The following KAT14 variants were observed in gnomAD, a reference collection of about 807,000 sequenced individuals.
KAT14 encodes lysine acetyltransferase 14, also known as cysteine-rich protein 2-binding protein.
In KAT14, 66 loss-of-function variants were observed where a neutral mutation model predicts 78.4. The ratio of observed to expected loss-of-function variants is 0.84; its 90% confidence interval spans 0.69 to 1.03. The LOEUF (loss-of-function observed/expected upper bound fraction) is 1.03. Among genes scored for constraint, KAT14 ranks in the 50% least tolerant of loss-of-function variants. The pLI is 0.00. For missense variants in KAT14, 870 were observed against 972.5 expected (o/e 0.89, Z 1.40); for synonymous variants, 344 against 359.4 (o/e 0.96, Z 0.48).
At chr20:18,184,149 A>G (rs567481073) in intron 9 of KAT14, among the ~76,000 whole-genome samples, 4 of 152,370 alleles carry the variant, frequency 2.6e-5, no homozygotes, top group South Asian at 2.1e-4. Flanking sequence ...TAGCATTTGT[A>G]CAAAAGAACT....
intron 2 of KAT14, 175 bp from the exon 3 acceptor site, chr20:18,145,058 T>A: frequency 7.2e-7 from 1 of 1,390,734 alleles, no homozygotes; most frequent in South Asian, 1.7e-5. Flanking sequence ...ATACTTGGTG[T>A]TAGAAGAATA....
At chr20:18,186,763 G>T (rs2039464490) in intron 10 of KAT14, among the ~76,000 whole-genome samples, 1 of 152,148 alleles carries the variant, frequency 6.6e-6, no homozygotes, top group Non-Finnish European at 1.5e-5. Flanking sequence ...ACAGAAGGTG[G>T]ACTTTGGGAT....
At chr20:18,147,120 G>A (rs915491448) in intron 3 of KAT14, among the ~76,000 whole-genome samples, 3 of 152,206 alleles carry the variant, frequency 2.0e-5, no homozygotes, top group African/African-American at 7.2e-5. Context: ...CACTTATGGT[G>A]TTCCTTGTAA....
At chr20:18,178,662 C>G (rs774103444) in intron 7 of KAT14, among the ~76,000 whole-genome samples, 7 of 152,118 alleles carry the variant, frequency 4.6e-5, no homozygotes, top group Non-Finnish European at 7.4e-5. Context: ...AATTATCTCC[C>G]ACTGGGTCTC....
intron 4 of KAT14, 94 bp downstream of exon 4, chr20:18,151,036 T>C (rs1223509371): frequency 6.7e-7 from 1 of 1,487,678 alleles, no homozygotes; most frequent in African/African-American, 1.4e-5. Flanking sequence ...TTGTTAGAGA[T>C]TTATTTTAAT....
At chr20:18,156,069 C>T (rs1395890959) in intron 4 of KAT14, among the ~76,000 whole-genome samples, 1 of 152,182 alleles carries the variant, frequency 6.6e-6, no homozygotes, top group Non-Finnish European at 1.5e-5. Flanking sequence ...AAAGGAAGGA[C>T]ATTCTGGCAC....
chr20:18,163,976 G>C (rs1259969121), intron 7 of KAT14, among the ~76,000 whole-genome samples: 1 of 152,170 alleles, frequency 6.6e-6, no homozygotes, highest in Non-Finnish European at 1.5e-5. Context: ...GGCTTTGCCG[G>C]CCACAAAATC....
chr20:18,162,353 G>A (rs760284765), intron 6 of KAT14, 24 bp from the exon 7 acceptor site: 7 of 1,603,966 alleles, frequency 4.4e-6, no homozygotes, highest in Non-Finnish European at 4.3e-6. Context: ...ATGTCTTGAT[G>A]ACACTGTTTT....
chr20:18,159,818 A>G (rs947087616), intron 5 of KAT14, among the ~76,000 whole-genome samples: 2 of 152,212 alleles, frequency 1.3e-5, no homozygotes, highest in African/African-American at 4.8e-5. Flanking sequence ...ATTTAAAAAG[A>G]TGTTAACAGT....
intron 7 of KAT14, among the ~76,000 whole-genome samples, chr20:18,171,388 A>G (rs1206855509): frequency 6.6e-6 from 1 of 152,262 alleles, no homozygotes; most frequent in Non-Finnish European, 1.5e-5. Context: ...CTCCTGCTAA[A>G]GATGCTATGA....
chr20:18,151,584 C>T (rs1345500212), intron 4 of KAT14, among the ~76,000 whole-genome samples: 2 of 152,086 alleles, frequency 1.3e-5, no homozygotes, highest in Non-Finnish European at 2.9e-5. Flanking sequence ...CTTAGCCTTC[C>T]AAAGTGCTGG....
rs6080997 is a variant in KAT14, at chr20:18,142,617, G to A, written c.-44G>A. ...CATTAGGGTCACTGTCCAGTGCTTA[G>A]GGTTGTTACTGAGAAGCACTGCCGA... is the stretch of plus-strand genomic sequence containing the variant. On this transcript the variant is annotated 5_prime_UTR_variant, in exon 2 of 11. Coordinates refer to ENST00000688188, the MANE Select transcript of KAT14 (RefSeq NM_001392073.1). The A allele has an allele frequency of 2.5e-6, 4 of 1,611,582 alleles. No homozygotes were observed. Among genetic ancestry groups the A allele is most frequent in the Non-Finnish European group, 3.4e-6 (4 of 1,178,452 alleles).
chr20:18,143,925 C>T (rs879205277), intron 2 of KAT14, among the ~76,000 whole-genome samples: 3 of 152,204 alleles, frequency 2.0e-5, no homozygotes, highest in Non-Finnish European at 4.4e-5. Flanking sequence ...CTACTGTGCT[C>T]GGCCCTGATC....
At chr20:18,138,495 C>T in intron 1 of KAT14, 1 of 981,966 alleles carries the variant, frequency 1.0e-6, no homozygotes, top group Non-Finnish European at 1.2e-6. Flanking sequence ...AGCCTCCCTC[C>T]TGGCCCAAGG....
chr20:18,161,638 C>T (rs1237325299), intron 5 of KAT14, among the ~76,000 whole-genome samples, 185 bp from the exon 6 acceptor site: 1 of 152,142 alleles, frequency 6.6e-6, no homozygotes, highest in East Asian at 1.9e-4. Context: ...TCAGCACTGA[C>T]ATAACGCTCA....
At chr20:18,137,728 G>A (rs975973299), upstream of KAT14, 4 of 431,032 alleles carry the variant, frequency 9.3e-6, no homozygotes, top group Non-Finnish European at 1.2e-5. Flanking sequence ...GTCGCCTGCG[G>A]GGTGTGCAGG....
chr20:18,139,690 T>G (rs2037454836), intron 1 of KAT14, among the ~76,000 whole-genome samples: 2 of 149,766 alleles, frequency 1.3e-5, no homozygotes, highest in Non-Finnish European at 3.0e-5. Context: ...TTTTTTTCCT[T>G]TTATGTCCGG....
Position 18,137,904 on chromosome 20 carries a change from C to A in KAT14, c.-601C>A. 6.9e-7 allele frequency: 1 copy of A among 1,449,398 alleles called. No individual in the cohort carries two copies. Among genetic ancestry groups the A allele is most frequent in the Admixed American group, 2.6e-5 (1 of 38,332 alleles). 89.8% of individuals were successfully genotyped at this position (1,449,398 alleles called of 1,614,324 possible). A position where few individuals can be genotyped will look rare whatever the true frequency, so the allele number is the denominator to read the frequency against. ...GGCGGCGGTGCGCACTCTGCGGCGG[C>A]CTCTGCGCCTCGGGCGGGCGGGAGA... On this transcript the variant is annotated 5_prime_UTR_variant, in exon 1 of 11. Transcript: ENST00000688188.
intron 9 of KAT14, 25 bp downstream of exon 9, chr20:18,183,323 C>T (rs1232577129): frequency 4.4e-6 from 7 of 1,604,770 alleles, no homozygotes; most frequent in Non-Finnish European, 6.0e-6. Flanking sequence ...CCAAACCAGG[C>T]AGGTCATTTT....
Sources: allele counts gnomAD v4.1 joint callset (sites outside exome capture counted in the v4.1 genomes callset), GRCh38; gene constraint gnomAD v4.1.1; transcripts MANE v1.5; gene names NCBI Gene and HGNC (gene_info 2026-07-23, HGNC 2026-07-21).